FBXO7: variants seen among roughly 807,000 people sequenced by gnomAD.
FBXO7 encodes F-box protein 7, also known as F-box only protein 7.
A neutral mutation model predicts 50.2 loss-of-function variants in FBXO7; 31 were observed. The observed-to-expected ratio is 0.62, with a 90% CI of 0.46 to 0.83. FBXO7 has a LOEUF of 0.83. FBXO7 is among the 40% of genes least tolerant of loss of function. The probability of loss-of-function intolerance (pLI) is 0.00; values close to 1 mark genes in which losing one functional copy is unlikely to be tolerated. For synonymous variants in FBXO7, 256 were observed against 253.1 expected, an observed-to-expected ratio of 1.01 and a Z score of -0.11; for missense variants, 667 against 646.6, an observed-to-expected ratio of 1.03 and a Z score of -0.34.
intron 5 of FBXO7, chr22:32,488,143 C>T (rs1435747310): frequency 1.1e-5 from 3 of 261,918 alleles, no homozygotes; most frequent in Non-Finnish European, 2.2e-5. Flanking sequence ...TTGGAGATCT[C>T]CCTATTGAGA....
chr22:32,482,523 C>T (rs9609567), intron 2 of FBXO7, among the ~76,000 whole-genome samples: 24,707 of 152,012 alleles, frequency 0.16, 2,397 homozygotes, highest in Non-Finnish European at 0.21. Flanking sequence ...TTTTTGAAGC[C>T]ATGTATTACA....
intron 1 of FBXO7, chr22:32,476,061 C>T (rs1279515280): frequency 6.6e-6 from 1 of 152,068 alleles, no homozygotes; most frequent in Non-Finnish European, 1.5e-5. Flanking sequence ...GTGAATTCTT[C>T]AAAACAAAAG....
chr22:32,493,120 A>G lies in FBXO7; in HGVS notation c.983A>G (p.Asp328Gly). The part of the protein sequence containing the change: ...AFTRQALNLP[D>G]VFGLVVLPLE... ...TTCCTTTTAGCACTGAACCTACCAG[A>G]TGTATTTGGGTTGGTCGTCCTCCCA... The change falls in exon 7 of 9, where the codon GAT becomes GGT. Residue 328 changes from aspartate (D) to glycine (G), a missense_variant. Physicochemically the swap from Asp to Gly is moderately conservative, Grantham distance 94. Coordinates refer to ENST00000266087, the MANE Select transcript of FBXO7 (RefSeq NM_012179.4). The G allele has an allele frequency of 1.9e-6, 3 of 1,614,076 alleles. No individual in the cohort carries two copies. The highest frequency in any genetic ancestry group is 2.5e-6 in the Non-Finnish European group (3 of 1,179,998).
chr22:32,489,771 T>C (rs564507046), intron 5 of FBXO7: 30 of 152,382 alleles, frequency 2.0e-4, no homozygotes, highest in South Asian at 1.7e-3. Flanking sequence ...TAAAGTCTTA[T>C]GTTGAGTAGG....
rs61730784 is a variant in FBXO7 at position 32,483,943 on chromosome 22, C to T, written c.464C>T (p.Ala155Val). 16 of 1,613,972 alleles carry T rather than the reference C, an allele frequency of 9.9e-6. No homozygotes were observed. The highest frequency in any genetic ancestry group is 9.3e-5 in the African/African-American group (7 of 74,896). Residue 155 changes from alanine to valine, a missense_variant, in exon 3 of 9, where the codon GCG becomes GTG. Ala to Val is a moderately conservative substitution (Grantham distance 64). Coordinates refer to ENST00000266087, the MANE Select transcript of FBXO7 (RefSeq NM_012179.4). The stretch of plus-strand genomic sequence containing the variant: ...GAAGCTGAGTCAATTCAAGATAATG[C>T]GCATATGGCAGAGGGCACAGGTTTC... ...NFEAESIQDNAHMAEGTGFYP... is the reference protein window; with the variant it reads ...NFEAESIQDNVHMAEGTGFYP...
chr22:32,493,416 A>G (rs1473668328), intron 7 of FBXO7, 135 bp downstream of exon 7: 1 of 752,018 alleles, frequency 1.3e-6, no homozygotes, highest in Non-Finnish European at 2.3e-6. Flanking sequence ...ACTGACTCTA[A>G]GCTTCATATA....
intron 2 of FBXO7, among the ~76,000 whole-genome samples, 172 bp downstream of exon 2, chr22:32,479,447 G>C (rs2057450612): frequency 6.7e-6 from 1 of 149,156 alleles, no homozygotes; most frequent in Non-Finnish European, 1.5e-5. Context: ...CACCAGGCTG[G>C]AGTGCAGTGG....
At chr22:32,475,652 G>T in intron 1 of FBXO7, 1 of 503,720 alleles carries the variant, frequency 2.0e-6, no homozygotes, top group Non-Finnish European at 3.4e-6. Context: ...CTGTGAAGCG[G>T]CAACAATTTT....
chr22:32,475,093 A>T lies in FBXO7; in HGVS notation c.91A>T (p.Arg31Trp). The T allele has an allele frequency of 6.5e-7, 1 of 1,545,408 alleles. No individual in the cohort carries two copies. The highest frequency in any genetic ancestry group is 8.7e-7 in the Non-Finnish European group (1 of 1,145,540). Reference sequence around the variant, plus strand: ...GCTGGGGCATTTGCGCTCGCACCTGAGGCAGTCCCTGCTGTGCACCTGGGG... The same window carrying T: ...GCTGGGGCATTTGCGCTCGCACCTGTGGCAGTCCCTGCTGTGCACCTGGGG... ...PTLGHLRSHL[R>W]QSLLCTWGYS... The change falls in exon 1 of 9, where the codon AGG becomes TGG. Residue 31 changes from arginine (R) to tryptophan (W), a missense_variant. By Grantham distance (101) the Arg-to-Trp change is moderately radical. Coordinates refer to ENST00000266087, the MANE Select transcript of FBXO7 (RefSeq NM_012179.4).
intron 1 of FBXO7, chr22:32,477,911 G>A (rs1187136012): frequency 6.6e-6 from 1 of 152,206 alleles, no homozygotes; most frequent in African/African-American, 2.4e-5. Context: ...GGCAGAGGTA[G>A]GGTAGACAGA....
At chr22:32,475,398 G>C (rs1183184476) in intron 1 of FBXO7, 2 of 1,611,264 alleles carry the variant, frequency 1.2e-6, no homozygotes, top group African/African-American at 2.7e-5. Context: ...TCCCCTCCTC[G>C]GTGAGTCATG....
In FBXO7 at chr22:32,475,129, G is replaced by T. The variant is rs1419751825; in HGVS notation, c.122+5G>T. The T allele has an allele frequency of 1.3e-6, 2 of 1,541,788 alleles. No homozygotes were observed. Among genetic ancestry groups the T allele is most frequent in the African/African-American group, 1.4e-5 (1 of 71,872 alleles). ...GCTGTGCACCTGGGGGTACAGGTAC[G>T]CTGGGGCCGGGGCTGGGCGGCCCGC... On this transcript the variant is annotated splice_donor_5th_base_variant and intron_variant, in intron 1 of 8. Coordinates refer to ENST00000266087, the MANE Select transcript of FBXO7 (RefSeq NM_012179.4).
intron 5 of FBXO7, chr22:32,490,788 A>G: frequency 2.7e-6 from 1 of 371,140 alleles, no homozygotes; most frequent in South Asian, 2.5e-5. Context: ...GATAGCTATC[A>G]GGAAATCTTC....
At chr22:32,478,904 T>C in intron 1 of FBXO7, 77 bp from the exon 2 acceptor site, 1 of 1,301,056 alleles carries the variant, frequency 7.7e-7, no homozygotes, top group Middle Eastern at 2.0e-4. Flanking sequence ...ACTGTGTACT[T>C]ATGTATGCTT....
rs2057548608 is a variant in FBXO7 at position 32,493,131 on chromosome 22, T to C, written c.994T>C (p.Leu332=). ...ACTGAACCTACCAGATGTATTTGGG[T>C]TGGTCGTCCTCCCATTGGAACTGAA... ...QALNLPDVFG[L]VVLPLELKLR... is the part of the protein sequence containing the mutation. The change falls in exon 7 of 9, where the codon TTG becomes CTG. Residue 332 remains leucine, a synonymous_variant. Transcript: ENST00000266087. The C allele has an allele frequency of 2.5e-6, 4 of 1,614,226 alleles. No homozygotes were observed. Among genetic ancestry groups the C allele is most frequent in the Non-Finnish European group, 3.4e-6 (4 of 1,180,030 alleles).
At chr22:32,482,136 G>A (rs572532532) in intron 2 of FBXO7, among the ~76,000 whole-genome samples, 4 of 152,200 alleles carry the variant, frequency 2.6e-5, no homozygotes, top group Non-Finnish European at 5.9e-5. Flanking sequence ...CAAAACCTAT[G>A]TTTCATAGTT....
At chr22:32,497,695 T>G (rs1443281442) in intron 8 of FBXO7, among the ~76,000 whole-genome samples, 1 of 151,442 alleles carries the variant, frequency 6.6e-6, no homozygotes. Flanking sequence ...AGAGAAATCT[T>G]TCATGAAAGG....
chr22:32,498,508 A>G lies in FBXO7; in HGVS notation c.1547A>G (p.Asp516Gly). 1 of 1,613,762 alleles carries G rather than the reference A, an allele frequency of 6.2e-7. No homozygotes were observed. Among genetic ancestry groups the G allele is most frequent in the African/African-American group, 1.3e-5 (1 of 75,030 alleles). The change falls in exon 9 of 9, where the codon GAT (aspartate) becomes GGT (glycine). Residue 516 changes from aspartate to glycine, a missense_variant. Asp to Gly is a moderately conservative substitution (Grantham distance 94). Transcript: ENST00000266087. ...PFRPSRGRPT[D>G]GRLSFM Reference sequence around the variant, plus strand: ...AGACCCAGCAGGGGTCGGCCAACTGATGGCCGGCTGTCATTCATGTGATTG... The same window carrying G: ...AGACCCAGCAGGGGTCGGCCAACTGGTGGCCGGCTGTCATTCATGTGATTG...
chr22:32,493,620 G>A (rs752467318), intron 7 of FBXO7, among the ~76,000 whole-genome samples: 26 of 152,220 alleles, frequency 1.7e-4, no homozygotes, highest in Non-Finnish European at 3.4e-4. Flanking sequence ...TGAGACCAAT[G>A]TGTAAGTTAG....
Sources: allele counts gnomAD v4.1 joint callset (sites outside exome capture counted in the v4.1 genomes callset), GRCh38; gene constraint gnomAD v4.1.1; transcripts MANE v1.5; gene names NCBI Gene and HGNC (gene_info 2026-07-23, HGNC 2026-07-21).